The following RXFP2 variants were observed in gnomAD, a reference collection of about 807,000 sequenced individuals.
RXFP2 encodes the protein relaxin receptor 2.
In RXFP2, 68 loss-of-function variants were observed where a neutral mutation model predicts 88.6. The ratio of observed to expected loss-of-function variants is 0.77; its 90% CI spans 0.63 to 0.94. The LOEUF (loss-of-function observed/expected upper bound fraction) is 0.94. Among genes scored for constraint, RXFP2 ranks in the 40% least tolerant of loss-of-function variants. The pLI is 0.00. For missense variants in RXFP2, 791 were observed against 893.9 expected (o/e 0.88, Z 1.47); for synonymous variants, 329 against 306.8 (o/e 1.07, Z -0.76).
chr13:31,780,767 C>G (rs1342473926), intron 9 of RXFP2, among the ~76,000 whole-genome samples: 1 of 152,176 alleles, frequency 6.6e-6, no homozygotes, highest in Non-Finnish European at 1.5e-5. Flanking sequence ...TGCCACTGAC[C>G]TGCAGAATTA....
intron 5 of RXFP2, among the ~76,000 whole-genome samples, chr13:31,772,914 A>G (rs1314581787): frequency 1.3e-5 from 2 of 152,252 alleles, no homozygotes; most frequent in Non-Finnish European, 2.9e-5. Flanking sequence ...TGTAGGTAAA[A>G]TATACATTCC....
At chr13:31,771,056 G>A (rs1872719186) in intron 5 of RXFP2, among the ~76,000 whole-genome samples, 1 of 152,220 alleles carries the variant, frequency 6.6e-6, no homozygotes, top group Admixed American at 6.5e-5. Context: ...CACAGGAGAT[G>A]ATGGAGCGTA....
chr13:31,778,612 T>C, intron 9 of RXFP2, 29 bp downstream of exon 9: 1 of 1,469,128 alleles, frequency 6.8e-7, no homozygotes, highest in Non-Finnish European at 9.5e-7. Flanking sequence ...ATTAATTTGT[T>C]ATTTGCCCTG....
chr13:31,740,054 AT>A, intron 1 of RXFP2, among the ~76,000 whole-genome samples: 1 of 152,294 alleles, frequency 6.6e-6, no homozygotes, highest in African/African-American at 2.4e-5. Context: ...GTTTTGTGGA[AT>A]TTCAACCTGT....
intron 16 of RXFP2, 111 bp downstream of exon 16, chr13:31,793,199 C>T (rs1156570551): frequency 1.0e-6 from 1 of 990,650 alleles, no homozygotes. Flanking sequence ...ATAGTCAAGA[C>T]TGTGTCCTTT....
intron 5 of RXFP2, among the ~76,000 whole-genome samples, chr13:31,771,353 C>A (rs1872728648): frequency 6.6e-6 from 1 of 152,172 alleles, no homozygotes; most frequent in Non-Finnish European, 1.5e-5. Context: ...CCTGTCGGAT[C>A]AGCAGTGGCA....
rs56077729 is a variant in RXFP2, at chr13:31,794,368, CCACACACACACACACA to C, written c.1786+1306_1786+1321del. Among the ~76,000 whole-genome samples the C allele has an allele frequency of 1.9e-3, 278 of 145,888 alleles. 1 individual carries two copies. The highest frequency in any genetic ancestry group is 6.5e-3 in the African/African-American group (255 of 39,118). On this transcript the variant is annotated intron_variant, in intron 16 of 17. Coordinates refer to ENST00000298386, the MANE Select transcript of RXFP2 (RefSeq NM_130806.5). ...ATAGAGACTCTCCCTGAAACACACA[CCACACACACACACACA>C]CACACACACACACACACACACACAC...
At chr13:31,745,438 A>G (rs1478272300) in intron 1 of RXFP2, among the ~76,000 whole-genome samples, 2 of 152,116 alleles carry the variant, frequency 1.3e-5, no homozygotes, top group African/African-American at 2.4e-5. Flanking sequence ...AGCAAGCATT[A>G]TTTAAATCAC....
In RXFP2 at chr13:31,800,755, G is replaced by T. The variant is rs572438725; in HGVS notation, c.2006-1391G>T. Among the ~76,000 whole-genome samples the T allele has an allele frequency of 2.6e-5, 4 of 152,132 alleles. No individual in the cohort carries two copies. In the South Asian group the frequency reaches 8.3e-4, roughly 31 times the overall value. On this transcript the variant is annotated intron_variant, in intron 17 of 17. Coordinates refer to ENST00000298386, the MANE Select transcript of RXFP2 (RefSeq NM_130806.5). The stretch of plus-strand genomic sequence containing the variant: ...TTTCTGTGAGATTGGGGTGGGATTC[G>T]TGATCACAATTCCCTTTGTGGGCAC...
intron 17 of RXFP2, among the ~76,000 whole-genome samples, chr13:31,798,516 AAATGTT>A (rs537261008): frequency 6.6e-6 from 1 of 152,190 alleles, no homozygotes; most frequent in Non-Finnish European, 1.5e-5. Context: ...AGAGATAATT[AAATGTT>A]AATAGTCACA....
At chr13:31,771,422 T>G (rs1443407827) in intron 5 of RXFP2, among the ~76,000 whole-genome samples, 3 of 152,228 alleles carry the variant, frequency 2.0e-5, no homozygotes, top group African/African-American at 7.2e-5. Flanking sequence ...GGATCTGGGT[T>G]GTGCACTCTT....
intron 11 of RXFP2, 151 bp from the exon 12 acceptor site, chr13:31,786,232 A>T (rs1873531870): frequency 1.4e-6 from 1 of 708,136 alleles, no homozygotes; most frequent in Admixed American, 2.0e-5. Context: ...TGGCTGACTC[A>T]TACGGCCCTG....
At chr13:31,790,545 T>C (rs934536136) in intron 14 of RXFP2, among the ~76,000 whole-genome samples, 1 of 152,208 alleles carries the variant, frequency 6.6e-6, no homozygotes, top group Non-Finnish European at 1.5e-5. Flanking sequence ...AAGAAGTATT[T>C]GTTGAGTACC....
At chr13:31,753,365 C>A (rs1189228795) in intron 1 of RXFP2, among the ~76,000 whole-genome samples, 1 of 152,106 alleles carries the variant, frequency 6.6e-6, no homozygotes, top group Non-Finnish European at 1.5e-5. Flanking sequence ...TCTCTTGGCA[C>A]AGACACGTCC....
chr13:31,747,547 A>C (rs1871478104), intron 1 of RXFP2, among the ~76,000 whole-genome samples: 1 of 152,162 alleles, frequency 6.6e-6, no homozygotes, highest in South Asian at 2.1e-4. Context: ...CTACATATGG[A>C]GCTTTAGGTC....
In RXFP2 at chr13:31,767,575, T is replaced by G. The variant is rs534615558; in HGVS notation, c.497+1548T>G. On this transcript the variant is annotated intron_variant, in intron 5 of 17. Coordinates refer to ENST00000298386, the MANE Select transcript of RXFP2 (RefSeq NM_130806.5). ...AGATTTTCGTTTCAGAATTCTTGTT[T>G]CACAGCAATTGAAATTCTATTTTCT... 6.6e-5 allele frequency among the ~76,000 whole-genome samples: 10 copies of G among 152,334 alleles called. No individual in the cohort carries two copies. In the South Asian group the frequency reaches 2.1e-3, roughly 32 times the overall value.
chr13:31,778,334 T>G lies in RXFP2; in HGVS notation c.714-178T>G, dbSNP rs534645457. 2.0e-5 allele frequency among the ~76,000 whole-genome samples: 3 copies of G among 152,312 alleles called. No homozygotes were observed. The East Asian group carries it at 5.8e-4, about 29-fold the overall frequency. ...TGCATTCATAGTTTCTTTGACAACATCTGCTCCCTAATCTTTGCCATACAC... is the reference window on the plus strand; with the variant it reads ...TGCATTCATAGTTTCTTTGACAACAGCTGCTCCCTAATCTTTGCCATACAC... On this transcript the variant is annotated intron_variant, in intron 8 of 17. Coordinates refer to ENST00000298386, the MANE Select transcript of RXFP2 (RefSeq NM_130806.5).
chr13:31,758,144 T>G, intron 1 of RXFP2, 114 bp from the exon 2 acceptor site: 1 of 1,046,366 alleles, frequency 9.6e-7, no homozygotes, highest in Non-Finnish European at 1.5e-6. Flanking sequence ...AACTGTGCAC[T>G]AAGAATAATA....
chr13:31,742,039 C>A (rs1593441206), intron 1 of RXFP2, among the ~76,000 whole-genome samples: 3 of 151,760 alleles, frequency 2.0e-5, no homozygotes, highest in Admixed American at 2.0e-4. Flanking sequence ...CAGTATCTGT[C>A]TCTAAGAGTA....
Sources: gnomAD v4.1 joint callset for allele counts (sites outside exome capture counted in the v4.1 genomes callset) on GRCh38, gnomAD v4.1.1 for gene constraint, MANE v1.5 for transcripts, NCBI Gene and HGNC (gene_info 2026-07-23, HGNC 2026-07-21) for gene names.